MAEA: variants seen among roughly 807,000 people sequenced by gnomAD.
The protein encoded by MAEA is macrophage erythroblast attacher, E3 ubiquitin ligase.
Under a neutral mutation model 46.2 loss-of-function variants are expected in MAEA, and 22 were observed. The ratio of observed to expected loss-of-function variants is 0.48; its 90% CI spans 0.34 to 0.68. MAEA has a LOEUF of 0.68. Ranked by LOEUF, MAEA falls within the 30% of genes least tolerant of loss-of-function variation. The pLI is 0.01. For synonymous variants in MAEA, 246 were observed against 222.6 expected (o/e 1.11, Z -0.94); for missense variants, 393 against 558.1 (o/e 0.70, Z 2.98).
At chr4:1,336,558 G>T (rs980015105) in intron 6 of MAEA, among the ~76,000 whole-genome samples, 1 of 151,152 alleles carries the variant, frequency 6.6e-6, no homozygotes, top group South Asian at 2.1e-4. Flanking sequence ...TACTGGCCTC[G>T]CAGTGTGTTG....
At chr4:1,337,465 A>G in intron 7 of MAEA, 1 of 200,774 alleles carries the variant, frequency 5.0e-6, no homozygotes, top group South Asian at 5.8e-5. Flanking sequence ...CCTGCGACTC[A>G]CTGAGTTCCT....
At chr4:1,332,688 A>T in intron 5 of MAEA, 69 bp from the exon 6 acceptor site, 1 of 1,193,896 alleles carries the variant, frequency 8.4e-7, no homozygotes, top group South Asian at 1.3e-5. Flanking sequence ...TGGGTGACAG[A>T]GTGAAACCCT....
Position 1,312,141 on chromosome 4 carries a change from C to T in MAEA, c.232C>T (p.Leu78Phe). The T allele has an allele frequency of 6.2e-7, 1 of 1,613,924 alleles. No homozygotes were observed. Among genetic ancestry groups the T allele is most frequent in the Non-Finnish European group, 8.5e-7 (1 of 1,180,032 alleles). ...CCTGCTGGACGGCGTGGTGGAGAAG[C>T]TCAGCGTCCTCAAGAGGAAGGTTGG... Reference protein sequence around the residue: ...VSLLDGVVEKLSVLKRKAVES... With the variant: ...VSLLDGVVEKFSVLKRKAVES... The change falls in exon 2 of 9, where the codon CTC (leucine) becomes TTC (phenylalanine). Residue 78 changes from leucine to phenylalanine, a missense_variant. This residue lies in a region of MAEA where 358 missense variants were observed against 537.9 expected (regional missense o/e 0.67). Coordinates refer to ENST00000303400, the MANE Select transcript of MAEA (RefSeq NM_001017405.3).
At chr4:1,315,060 A>G (rs956514275) in intron 2 of MAEA, among the ~76,000 whole-genome samples, 1 of 152,230 alleles carries the variant, frequency 6.6e-6, no homozygotes, top group African/African-American at 2.4e-5. Context: ...AGATTTTTTT[A>G]AAGTCACCTT....
At chr4:1,323,242 G>A (rs942044945) in intron 4 of MAEA, among the ~76,000 whole-genome samples, 3 of 152,132 alleles carry the variant, frequency 2.0e-5, no homozygotes, top group Admixed American at 2.0e-4. Flanking sequence ...ACCGTGCCCG[G>A]CCGAGTACCG....
At chr4:1,313,336 A>G (rs1297412340) in intron 2 of MAEA, among the ~76,000 whole-genome samples, 1 of 152,032 alleles carries the variant, frequency 6.6e-6, no homozygotes, top group Non-Finnish European at 1.5e-5. Flanking sequence ...ACCCTGTCTC[A>G]AGACACCACG....
Position 1,338,598 on chromosome 4 carries a change from G to T in MAEA, c.1076G>T (p.Gly359Val). ...ENNPPMMLPN[G>V]YVYGYNSLLS... ...AATCCGCCCATGATGCTGCCCAACG[G>T]CTACGTCTACGGCTACAATGTGAGG... The change falls in exon 8 of 9, where the codon GGC (glycine) becomes GTC (valine). Residue 359 changes from glycine (G) to valine (V), a missense_variant. This residue lies in a region of MAEA where 358 missense variants were observed against 537.9 expected (regional missense o/e 0.67). Coordinates refer to ENST00000303400, the MANE Select transcript of MAEA (RefSeq NM_001017405.3). 1 of 1,611,082 alleles carries T rather than the reference G, an allele frequency of 6.2e-7. No homozygotes were observed. Among genetic ancestry groups the T allele is most frequent in the Non-Finnish European group, 8.5e-7 (1 of 1,179,098 alleles).
At chr4:1,316,445 C>T (rs369330505) in intron 3 of MAEA, among the ~76,000 whole-genome samples, 2 of 152,160 alleles carry the variant, frequency 1.3e-5, no homozygotes, top group African/African-American at 4.8e-5. Flanking sequence ...AGGTGGCGTC[C>T]GTGTTCCATT....
intron 1 of MAEA, among the ~76,000 whole-genome samples, chr4:1,291,293 G>A (rs187807542): frequency 4.4e-4 from 67 of 152,288 alleles, no homozygotes; most frequent in African/African-American, 1.6e-3. Context: ...CCACGCGCCC[G>A]CCACACTAAT....
rs960118506 is a variant in MAEA, at chr4:1,339,624, C to T, written c.*455C>T. ...GTGGCAGCGGCACCGGACTGACCTG[C>T]AGTGACCCGCGATGCCGCGCCACGA... On this transcript the variant is annotated 3_prime_UTR_variant, in exon 9 of 9. Coordinates refer to ENST00000303400, the MANE Select transcript of MAEA (RefSeq NM_001017405.3). 6.0e-6 allele frequency: 1 copy of T among 166,784 alleles called. No individual in the cohort carries two copies. Among genetic ancestry groups the T allele is most frequent in the African/African-American group, 2.4e-5 (1 of 41,668 alleles). The allele number at this position is 166,784 out of a possible 1,614,324, so 10.3% of individuals were successfully genotyped here. A position where few individuals can be genotyped will look rare whatever the true frequency, so the allele number is the denominator to read the frequency against.
chr4:1,297,259 C>T (rs930371129), intron 1 of MAEA, among the ~76,000 whole-genome samples: 2 of 152,220 alleles, frequency 1.3e-5, no homozygotes, highest in Non-Finnish European at 2.9e-5. Flanking sequence ...TCACGTTTAT[C>T]CTTGAGTCCA....
chr4:1,298,190 G>A, intron 1 of MAEA: 1 of 410,974 alleles, frequency 2.4e-6, no homozygotes, highest in Admixed American at 2.6e-5. Context: ...CCCGCGGCTT[G>A]GCCCTGTCTG....
intron 4 of MAEA, 64 bp from the exon 5 acceptor site, chr4:1,327,563 G>A: frequency 2.6e-6 from 3 of 1,176,074 alleles, no homozygotes; most frequent in Non-Finnish European, 3.8e-6. Context: ...TGCGGGTGCG[G>A]CACCCGGGCA....
At chr4:1,317,816 T>C (rs902599834) in intron 3 of MAEA, among the ~76,000 whole-genome samples, 4 of 152,134 alleles carry the variant, frequency 2.6e-5, no homozygotes, top group Non-Finnish European at 5.9e-5. Flanking sequence ...CTGGGTGCCC[T>C]GCAGTCTTGT....
At chr4:1,304,527 G>A (rs1032465576) in intron 1 of MAEA, among the ~76,000 whole-genome samples, 1 of 152,156 alleles carries the variant, frequency 6.6e-6, no homozygotes, top group Non-Finnish European at 1.5e-5. Context: ...TGCAAGCTCC[G>A]CCTCTTGGGT....
chr4:1,337,012 C>T lies in MAEA; in HGVS notation c.899+18C>T, dbSNP rs561947724. The stretch of plus-strand genomic sequence containing the variant: ...AAGACACCGTATCCTACCTCCCGTG[C>T]GCAGTGCGGTTTGGCCTGGGGTTGG... On this transcript the variant is annotated intron_variant, in intron 7 of 8. Transcript: ENST00000303400. The T allele has an allele frequency of 3.3e-5, 54 of 1,612,430 alleles. No individual in the cohort carries two copies. Among genetic ancestry groups the T allele is most frequent in the South Asian group, 2.3e-4 (21 of 91,046 alleles).
At chr4:1,298,656 A>G (rs1452761368) in intron 1 of MAEA, among the ~76,000 whole-genome samples, 1 of 152,106 alleles carries the variant, frequency 6.6e-6, no homozygotes, top group Non-Finnish European at 1.5e-5. Flanking sequence ...TCGGGCTCCT[A>G]GAGCGCCATC....
At chr4:1,294,811 G>A (rs1227439088) in intron 1 of MAEA, among the ~76,000 whole-genome samples, 1 of 147,658 alleles carries the variant, frequency 6.8e-6, no homozygotes, top group Admixed American at 6.7e-5. Flanking sequence ...GTGGGGCCGG[G>A]GGCAGGGGCA....
chr4:1,294,137 G>T (rs553344747), intron 1 of MAEA, among the ~76,000 whole-genome samples: 1 of 152,348 alleles, frequency 6.6e-6, no homozygotes, highest in East Asian at 1.9e-4. Context: ...CAGCCCTCCA[G>T]AATCCGCCCG....
Sources: allele counts gnomAD v4.1 joint callset (sites outside exome capture counted in the v4.1 genomes callset), GRCh38; gene constraint gnomAD v4.1.1; regional missense constraint gnomAD v4.1.1; transcripts MANE v1.5; gene names NCBI Gene and HGNC (gene_info 2026-07-23, HGNC 2026-07-21).